The following DOCK5 variants were observed in gnomAD, a reference collection of about 807,000 sequenced individuals.
DOCK5 encodes dedicator of cytokinesis 5.
DOCK5 carries 142 observed loss-of-function variants against 251.8 expected under a neutral mutation model. That is an observed-to-expected ratio of 0.56 (90% CI 0.49 to 0.65). The LOEUF is 0.65. Ranked by LOEUF, DOCK5 falls within the 30% of genes least tolerant of loss-of-function variation. The probability of loss-of-function intolerance (pLI) is 0.00; values close to 1 mark genes in which losing one functional copy is unlikely to be tolerated. For missense variants in DOCK5, 2,111 were observed against 2,312.3 expected (o/e 0.91, Z 1.79); for synonymous variants, 842 against 835.5 (o/e 1.01, Z -0.13).
intron 5 of DOCK5, among the ~76,000 whole-genome samples, chr8:25,289,460 T>C (rs1214328576): frequency 6.6e-6 from 1 of 151,388 alleles, no homozygotes; most frequent in Non-Finnish European, 1.5e-5. Flanking sequence ...CCAGTGTGAG[T>C]TGTTTTTACA....
At chr8:25,388,574 A>G (rs1801203462) in intron 40 of DOCK5, among the ~76,000 whole-genome samples, 1 of 152,042 alleles carries the variant, frequency 6.6e-6, no homozygotes, top group African/African-American at 2.4e-5. Flanking sequence ...GTTCTCTGTC[A>G]CTCTGTTTCT....
At chr8:25,321,286 TTC>T (rs1805418249) in intron 16 of DOCK5, among the ~76,000 whole-genome samples, 1 of 152,222 alleles carries the variant, frequency 6.6e-6, no homozygotes, top group Non-Finnish European at 1.5e-5. Context: ...AACACTAATA[TTC>T]TCAAAGACAG....
chr8:25,357,373 C>CTTTT (rs397891518), intron 27 of DOCK5, among the ~76,000 whole-genome samples: 17 of 92,632 alleles, frequency 1.8e-4, no homozygotes, highest in East Asian at 3.4e-4. Flanking sequence ...AAAAAATAAA[C>CTTTT]TTTTTTTTTT....
intron 48 of DOCK5, among the ~76,000 whole-genome samples, chr8:25,405,193 A>G (rs1001134769): frequency 2.0e-5 from 3 of 151,748 alleles, no homozygotes; most frequent in African/African-American, 4.8e-5. Flanking sequence ...TATATAATCA[A>G]TCTTTTATTT....
At chr8:25,377,486 A>G in intron 38 of DOCK5, 62 bp downstream of exon 38, 1 of 1,547,674 alleles carries the variant, frequency 6.5e-7, no homozygotes, top group Non-Finnish European at 8.7e-7. Flanking sequence ...ATCGCAATAC[A>G]ATTCTGATGC....
intron 5 of DOCK5, among the ~76,000 whole-genome samples, chr8:25,280,856 G>A (rs1804170977): frequency 6.6e-6 from 1 of 152,122 alleles, no homozygotes; most frequent in South Asian, 2.1e-4. Context: ...TAGTTGGGTG[G>A]ATGTAACAAG....
In DOCK5 at chr8:25,319,583, A is replaced by G; in HGVS notation, c.1449A>G (p.Ala483=). 1 of 1,575,786 alleles carries G rather than the reference A, an allele frequency of 6.3e-7. No individual in the cohort carries two copies. Among genetic ancestry groups the G allele is most frequent in the Non-Finnish European group, 8.6e-7 (1 of 1,159,798 alleles). ...TTTTTTCCTTCCATCTGAAGAAAGC[A>G]ATTCACCCTGGTGCTGGATATGAAG... ...HDEEGKLLEK[A]IHPGAGYEGI... Residue 483 remains alanine, a synonymous_variant, in exon 15 of 52, where the codon GCA becomes GCG. Transcript: ENST00000276440.
At chr8:25,246,762 G>A (rs1803128720) in intron 2 of DOCK5, among the ~76,000 whole-genome samples, 1 of 145,816 alleles carries the variant, frequency 6.9e-6, no homozygotes, top group African/African-American at 2.8e-5. Context: ...GTGTGGCGGG[G>A]GCGGGGTGGG....
intron 5 of DOCK5, among the ~76,000 whole-genome samples, chr8:25,284,625 C>T (rs754687715): frequency 6.6e-6 from 1 of 152,248 alleles, no homozygotes; most frequent in Non-Finnish European, 1.5e-5. Context: ...CTGTCAACAC[C>T]TCTTCCTGCT....
In DOCK5 at chr8:25,210,765, A is replaced by G. The variant is rs1802113164; in HGVS notation, c.43+25814A>G. On this transcript the variant is annotated intron_variant, in intron 1 of 51. Transcript: ENST00000276440. The stretch of plus-strand genomic sequence containing the variant: ...GGCGACAGATCAAGACTGTCTCCAA[A>G]ACAAAAAAGAGGGACTGAGCCATGC... 2.9e-5 allele frequency among the ~76,000 whole-genome samples: 2 copies of G among 69,594 alleles called. 1 individual carries two copies. The highest frequency in any genetic ancestry group is 9.4e-5 in the Non-Finnish European group (2 of 21,342). 45.7% of individuals were successfully genotyped at this position (69,594 alleles called of 152,430 possible).
chr8:25,393,209 A>G (rs928043702), intron 44 of DOCK5, among the ~76,000 whole-genome samples: 25 of 152,128 alleles, frequency 1.6e-4, no homozygotes, highest in Middle Eastern at 3.4e-3. Flanking sequence ...TTCCCTCCCA[A>G]AGCCTGTTCT....
chr8:25,403,719 T>G lies in DOCK5; in HGVS notation c.5088T>G (p.Ser1696=), dbSNP rs377562171. 47 of 1,613,760 alleles carry G rather than the reference T, an allele frequency of 2.9e-5. No homozygotes were observed. The Middle Eastern group carries it at 9.9e-4, about 34-fold the overall frequency. The change falls in exon 48 of 52, where the codon TCT becomes TCG. Residue 1696 remains serine, a synonymous_variant. Coordinates refer to ENST00000276440, the MANE Select transcript of DOCK5 (RefSeq NM_024940.8). ...ACAATGCTCCTTCCAGACCGGGATC[T>G]GATGGGTAAGGGTTTCATCTTTAAT... ...SSDNAPSRPG[S]DGSILEPLLE... is the part of the protein sequence containing the mutation.
At chr8:25,377,474 G>C in intron 38 of DOCK5, 50 bp downstream of exon 38, 1 of 1,580,614 alleles carries the variant, frequency 6.3e-7, no homozygotes, top group Non-Finnish European at 8.6e-7. Context: ...AATGACCGCA[G>C]TATCGCAATA....
intron 34 of DOCK5, 137 bp from the exon 35 acceptor site, chr8:25,372,422 C>T: frequency 1.3e-6 from 1 of 798,566 alleles, no homozygotes; most frequent in Non-Finnish European, 1.9e-6. Flanking sequence ...TTAACTGTGT[C>T]ACTTAATATC....
In DOCK5 at chr8:25,345,541, A is replaced by G. The variant is rs2117239570; in HGVS notation, c.2684A>G (p.Asn895Ser). The G allele has an allele frequency of 1.2e-6, 2 of 1,613,952 alleles. No homozygotes were observed. Among genetic ancestry groups the G allele is most frequent in the Non-Finnish European group, 1.7e-6 (2 of 1,179,886 alleles). Residue 895 changes from asparagine (N) to serine (S), a missense_variant, in exon 26 of 52, where the codon AAC becomes AGC. Around this residue, in one of 3 missense-constraint regions of DOCK5, gnomAD observed 1,717 missense variants for 1,892.4 expected, o/e 0.91. Transcript: ENST00000276440. ...QLSGQLDDNS[N>S]KPDHEASSQL... The stretch of plus-strand genomic sequence containing the variant: ...AGCGGCCAGTTAGATGACAACTCCA[A>G]CAAGCCTGACCACGAGGCAAGCTCG...
rs190799833 is a variant in DOCK5 at position 25,353,915 on chromosome 8, C to T, written c.2850+2089C>T. On this transcript the variant is annotated intron_variant, in intron 27 of 51. Coordinates refer to ENST00000276440, the MANE Select transcript of DOCK5 (RefSeq NM_024940.8). ...GACACATCTGTAACCCCAGCTACTC[C>T]GGAGGCTGAGGTAGGAGAATTGTTT... 1.6e-3 allele frequency among the ~76,000 whole-genome samples: 236 copies of T among 151,346 alleles called. 1 individual carries two copies. Among genetic ancestry groups the T allele is most frequent in the African/African-American group, 3.5e-3 (145 of 41,190 alleles).
intron 2 of DOCK5, among the ~76,000 whole-genome samples, chr8:25,263,419 G>T (rs902228542): frequency 6.6e-6 from 1 of 151,900 alleles, no homozygotes. Context: ...ATGAATTCAT[G>T]TGGATACCTT....
chr8:25,304,359 T>C, intron 11 of DOCK5, 32 bp downstream of exon 11: 2 of 1,562,252 alleles, frequency 1.3e-6, no homozygotes, highest in Non-Finnish European at 1.7e-6. Context: ...CCAGGTGACT[T>C]GAGACCTGGA....
At position 25,390,207 on chromosome 8, in the gene DOCK5, C is replaced by T; in HGVS notation, c.4275C>T (p.Tyr1425=). 6.3e-7 allele frequency: 1 copy of T among 1,584,770 alleles called. No homozygotes were observed. Among genetic ancestry groups the T allele is most frequent in the Non-Finnish European group, 8.6e-7 (1 of 1,164,802 alleles). ...TCCTTTCCTTAACGAGCTCTTCAGA[C>T]ATGCAGTGCTTCACTGTAAAGCCAG... The part of the protein sequence containing the change: ...GEDIKSSPKQ[Y]MQCFTVKPVM... The change falls in exon 42 of 52, where the codon TAC becomes TAT. Residue 1425 remains tyrosine, a splice_region_variant and synonymous_variant. Transcript: ENST00000276440.
Sources: gnomAD v4.1 joint callset for allele counts (sites outside exome capture counted in the v4.1 genomes callset) on GRCh38, gnomAD v4.1.1 for gene constraint, gnomAD v4.1.1 regional missense constraint, MANE v1.5 for transcripts, NCBI Gene and HGNC (gene_info 2026-07-23, HGNC 2026-07-21) for gene names.